The following SYNE1 variants were observed in gnomAD, a reference collection of about 807,000 sequenced individuals.
SYNE1 encodes spectrin repeat containing nuclear envelope protein 1.
In SYNE1, 616 loss-of-function variants were observed where a neutral mutation model predicts 1,111.0. That is an observed-to-expected ratio of 0.55 (90% CI 0.52 to 0.59). The LOEUF (loss-of-function observed/expected upper bound fraction) is 0.59, where lower values mean the gene tolerates loss of function less well. SYNE1 is among the 20% of genes least tolerant of loss of function. The pLI is 0.00. For missense variants in SYNE1, 10,006 were observed against 10,417.0 expected, an observed-to-expected ratio of 0.96 and a Z score of 1.72; for synonymous variants, 3,855 against 3,825.8, an observed-to-expected ratio of 1.01 and a Z score of -0.28.
At chr6:152,534,582 T>C (rs1049689094) in intron 4 of SYNE1, among the ~76,000 whole-genome samples, 3 of 152,228 alleles carry the variant, frequency 2.0e-5, no homozygotes, top group African/African-American at 7.2e-5. Flanking sequence ...ATATCCATCA[T>C]CTCACCTACT....
chr6:152,125,232 G>T, intron 145 of SYNE1: 1 of 1,547,234 alleles, frequency 6.5e-7, no homozygotes, highest in South Asian at 1.2e-5. Flanking sequence ...TAGGAATAAT[G>T]GTAATGGTAA....
intron 72 of SYNE1, among the ~76,000 whole-genome samples, chr6:152,348,197 G>T (rs887550895): frequency 2.0e-5 from 3 of 151,956 alleles, no homozygotes; most frequent in African/African-American, 7.3e-5. Context: ...TAAGCCTGAC[G>T]AATGTGTATT....
At chr6:152,427,489 A>G (rs1460473668) in intron 38 of SYNE1, 2 of 629,774 alleles carry the variant, frequency 3.2e-6, no homozygotes, top group Non-Finnish European at 5.5e-6. Flanking sequence ...TGATCATCAC[A>G]AAGTTCTCAT....
chr6:152,463,221 C>T (rs1357074086), intron 19 of SYNE1, 132 bp downstream of exon 19: 1 of 1,271,260 alleles, frequency 7.9e-7, no homozygotes, highest in Non-Finnish European at 1.1e-6. Flanking sequence ...CCATAAAACA[C>T]ACCGGTTTTA....
rs886044703 is a variant in SYNE1 at position 152,419,581 on chromosome 6, A to G, written c.5409T>C (p.Leu1803=). The G allele has an allele frequency of 6.2e-7, 1 of 1,613,496 alleles. No homozygotes were observed. Among genetic ancestry groups the G allele is most frequent in the Non-Finnish European group, 8.5e-7 (1 of 1,179,864 alleles). The change falls in exon 40 of 146, where the codon CTT becomes CTC. Residue 1803 remains leucine (L), a synonymous_variant. Transcript: ENST00000367255. ...AAAACCACTTTACCTTATGCCGAGT[A>G]AGGGCTACTTGATGGTCCATTATGC... ...EISIMDHQVA[L]TRHKDHAAEV... is the part of the protein sequence containing the mutation.
At chr6:152,402,791 GAGAA>G in intron 46 of SYNE1, 1 of 152,816 alleles carries the variant, frequency 6.5e-6, no homozygotes, top group Non-Finnish European at 1.5e-5. Context: ...GAGAGAGAGA[GAGAA>G]AGGAAGAAAG....
At chr6:152,444,690 G>A in intron 29 of SYNE1, 112 bp from the exon 30 acceptor site, 9 of 927,378 alleles carry the variant, frequency 9.7e-6, no homozygotes. Flanking sequence ...TATTTAAGGT[G>A]TACTACGTGA....
intron 101 of SYNE1, among the ~76,000 whole-genome samples, chr6:152,261,740 C>T (rs1041912927): frequency 4.6e-5 from 7 of 152,014 alleles, no homozygotes; most frequent in African/African-American, 1.4e-4. Flanking sequence ...GCAAAACACA[C>T]ACAAAAAGAG....
At position 152,325,168 on chromosome 6, in the gene SYNE1, G is replaced by C. The variant is rs983866415; in HGVS notation, c.15573C>G (p.Arg5191=). The change falls in exon 81 of 146, where the codon CGC becomes CGG. Residue 5191 remains arginine (R), a synonymous_variant. Transcript: ENST00000367255. ...LSRSMTTVWQ[R]WTRLRAVAQD... ...GGGCCACAGCTCGAAGGCGTGTCCA[G>C]CGCTGCCAGACGGTGGTCATTGACC... The C allele has an allele frequency of 1.2e-6, 2 of 1,614,122 alleles. No individual in the cohort carries two copies. The highest frequency in any genetic ancestry group is 1.7e-5 in the Admixed American group (1 of 60,008).
chr6:152,465,488 C>A (rs759214491), intron 17 of SYNE1, 28 bp from the exon 18 acceptor site: 4 of 1,594,050 alleles, frequency 2.5e-6, no homozygotes, highest in Non-Finnish European at 3.4e-6. Context: ...AATTATAACC[C>A]TTATCTCATA....
intron 36 of SYNE1, among the ~76,000 whole-genome samples, chr6:152,429,156 A>T (rs764830562): frequency 7.3e-5 from 11 of 151,562 alleles, no homozygotes; most frequent in Non-Finnish European, 1.0e-4. Context: ...GCCCTGCATT[A>T]CCTGCTTCCC....
intron 137 of SYNE1, chr6:152,144,160 G>A: frequency 6.5e-6 from 2 of 307,702 alleles, no homozygotes; most frequent in South Asian, 6.1e-5. Flanking sequence ...TGTTCTTTCT[G>A]CTATCGCTTA....
chr6:152,501,606 G>A (rs146552555), intron 10 of SYNE1, among the ~76,000 whole-genome samples: 2 of 152,160 alleles, frequency 1.3e-5, no homozygotes, highest in East Asian at 1.9e-4. Context: ...ATGGTGATGT[G>A]CAACTGAAAT....
intron 3 of SYNE1, among the ~76,000 whole-genome samples, chr6:152,566,987 G>C (rs753777648): frequency 4.9e-3 from 45 of 9,116 alleles, no homozygotes; most frequent in Admixed American, 9.1e-3. Flanking sequence ...TTCACATACT[G>C]TGTGTGTGTG....
chr6:152,207,918 A>T, intron 125 of SYNE1, 54 bp downstream of exon 125: 1 of 1,583,420 alleles, frequency 6.3e-7, no homozygotes, highest in Non-Finnish European at 8.7e-7. Flanking sequence ...GCGAAGGTAA[A>T]GTGTGCGGTG....
intron 98 of SYNE1, among the ~76,000 whole-genome samples, chr6:152,270,932 G>T (rs1178307348): frequency 2.6e-5 from 4 of 152,232 alleles, no homozygotes; most frequent in Non-Finnish European, 5.9e-5. Flanking sequence ...TAAGGTGAAA[G>T]AAATTTGCCA....
chr6:152,147,891 A>G (rs2059794164), intron 137 of SYNE1, 154 bp downstream of exon 137: 1 of 728,950 alleles, frequency 1.4e-6, no homozygotes, highest in Non-Finnish European at 2.3e-6. Context: ...TTTGCATTTT[A>G]TAATCACATT....
At chr6:152,429,539 C>T (rs2098408398) in intron 36 of SYNE1, among the ~76,000 whole-genome samples, 1 of 152,164 alleles carries the variant, frequency 6.6e-6, no homozygotes, top group Non-Finnish European at 1.5e-5. Context: ...CACACATGAA[C>T]ATGCAATATG....
At chr6:152,465,544 G>T in intron 17 of SYNE1, 84 bp from the exon 18 acceptor site, 2 of 1,234,550 alleles carry the variant, frequency 1.6e-6, no homozygotes, top group Non-Finnish European at 1.2e-6. Context: ...ATACATTGGT[G>T]TGCAATAGTA....
Sources: allele counts gnomAD v4.1 joint callset (sites outside exome capture counted in the v4.1 genomes callset), GRCh38; gene constraint gnomAD v4.1.1; transcripts MANE v1.5; gene names NCBI Gene and HGNC (gene_info 2026-07-23, HGNC 2026-07-21).